The following IFT172 variants were observed in gnomAD, a reference collection of about 807,000 sequenced individuals.
IFT172 encodes the protein intraflagellar transport 172.
IFT172 carries 164 observed loss-of-function variants against 248.9 expected under a neutral mutation model. The observed-to-expected ratio is 0.66, with a 90% CI of 0.58 to 0.75. The LOEUF (loss-of-function observed/expected upper bound fraction) is 0.75, where lower values mean the gene tolerates loss of function less well. IFT172 is among the 30% of genes least tolerant of loss of function. IFT172 has a pLI of 0.00. For missense variants in IFT172, 1,950 were observed against 2,192.4 expected (o/e 0.89, Z 2.21); for synonymous variants, 729 against 791.6 (o/e 0.92, Z 1.33).
rs1668085695 is a variant in IFT172, at chr2:27,477,932, G to T, written c.1167+63C>A. 3.0e-5 allele frequency: 48 copies of T among 1,592,518 alleles called. 1 individual carries two copies. The South Asian group carries it at 5.2e-4, about 17-fold the overall frequency. ...GAGAGCTTACCCCTAGGGATTTTGGGTCCCCACAAATATTAAGCCAAGATG... is the reference window on the plus strand; with the variant it reads ...GAGAGCTTACCCCTAGGGATTTTGGTTCCCCACAAATATTAAGCCAAGATG... On this transcript the variant is annotated intron_variant, in intron 11 of 47. Coordinates refer to ENST00000260570, the MANE Select transcript of IFT172 (RefSeq NM_015662.3).
At chr2:27,487,215 G>A (rs1159637123) in intron 1 of IFT172, among the ~76,000 whole-genome samples, 1 of 152,158 alleles carries the variant, frequency 6.6e-6, no homozygotes, top group Non-Finnish European at 1.5e-5. Flanking sequence ...GAAGTGCTGG[G>A]ATTACAGGCG....
At chr2:27,462,247 G>A (rs989632206) in intron 20 of IFT172, among the ~76,000 whole-genome samples, 1 of 152,078 alleles carries the variant, frequency 6.6e-6, no homozygotes, top group Non-Finnish European at 1.5e-5. Flanking sequence ...TGGCCAGGCT[G>A]GTCTTGAACT....
chr2:27,451,556 GATGGAGACCATCCTGGCTAACACGGTGAA>G (rs1665677424), intron 35 of IFT172, among the ~76,000 whole-genome samples: 2 of 152,162 alleles, frequency 1.3e-5, no homozygotes, highest in Admixed American at 6.6e-5. Context: ...GAGGTCAGGA[GATGGAGACCATCCTGGCTAACACGGTGAA>G]ACCCCGTCTC....
chr2:27,476,708 CCT>C lies in IFT172; in HGVS notation c.1342_1343del (p.Arg448ValfsTer8), dbSNP rs1558404443. On this transcript the variant is annotated frameshift_variant, in exon 14 of 48. Coordinates refer to ENST00000260570, the MANE Select transcript of IFT172 (RefSeq NM_015662.3). LOFTEE classifies it high-confidence loss of function. ...PHLISVRINE[R>X]CQRGTEDNKK... is the part of the protein sequence containing the mutation. ...TATTATCTTCTGTTCCTCGCTGACA[CCT>C]CTCATTAATACGAACACTGAAACAT... 1 of 1,612,480 alleles carries C rather than the reference CCT, an allele frequency of 6.2e-7. No homozygotes were observed. Among genetic ancestry groups the C allele is most frequent in the African/African-American group, 1.3e-5 (1 of 74,972 alleles).
intron 24 of IFT172, 62 bp downstream of exon 24, chr2:27,459,647 T>C: frequency 1.9e-6 from 3 of 1,606,760 alleles, no homozygotes; most frequent in Non-Finnish European, 2.5e-6. Context: ...TTGGTGTCCT[T>C]ACTTGCTCCA....
chr2:27,462,031 G>A (rs1666719701), intron 20 of IFT172, among the ~76,000 whole-genome samples, 195 bp from the exon 21 acceptor site: 1 of 152,154 alleles, frequency 6.6e-6, no homozygotes, highest in Non-Finnish European at 1.5e-5. Context: ...CCCTTTCCAA[G>A]GCAACTGTTC....
In IFT172 at chr2:27,459,767, C is replaced by A; in HGVS notation, c.2584G>T (p.Asp862Tyr). Residue 862 changes from aspartate to tyrosine, a missense_variant, in exon 24 of 48, where the codon GAC becomes TAC. Physicochemically the swap from Asp to Tyr is radical, Grantham distance 160. Around this residue, in one of 3 missense-constraint regions of IFT172, gnomAD observed 1,166 missense variants for 1,254.1 expected, o/e 0.93. Transcript: ENST00000260570. ...AGCTGCTTCTGCTGCACCAGGTGGT[C>A]CCCCCATGCCTCCTCTAGTTTCACC... Reference protein sequence around the residue: ...EVVKLEEAWGDHLVQQKQLDA... With the variant: ...EVVKLEEAWGYHLVQQKQLDA... The A allele has an allele frequency of 6.2e-7, 1 of 1,612,780 alleles. No homozygotes were observed. The highest frequency in any genetic ancestry group is 1.1e-5 in the South Asian group (1 of 91,082).
chr2:27,447,379 CAGAAG>C, intron 42 of IFT172, 131 bp downstream of exon 42: 1 of 1,322,972 alleles, frequency 7.6e-7, no homozygotes. Flanking sequence ...TTTGTTTAGA[CAGAAG>C]AGAAGCTGAA....
intron 9 of IFT172, among the ~76,000 whole-genome samples, 171 bp from the exon 10 acceptor site, chr2:27,479,775 T>C (rs1157805476): frequency 6.6e-6 from 1 of 152,200 alleles, no homozygotes; most frequent in African/African-American, 2.4e-5. Context: ...ATCATTGGAC[T>C]CAAGGGCACA....
At chr2:27,461,944 C>G in intron 20 of IFT172, 108 bp from the exon 21 acceptor site, 2 of 1,113,292 alleles carry the variant, frequency 1.8e-6, no homozygotes, top group Non-Finnish European at 2.7e-6. Flanking sequence ...GGACCAAAAG[C>G]CTTTTAACTA....
intron 16 of IFT172, 91 bp downstream of exon 16, chr2:27,470,837 A>C (rs1667510061): frequency 7.9e-7 from 1 of 1,270,394 alleles, no homozygotes; most frequent in Non-Finnish European, 1.1e-6. Flanking sequence ...AGGGTGGTGG[A>C]CACAGAAAAC....
rs148624326 is a variant in IFT172 at position 27,454,631 on chromosome 2, C to T, written c.3401G>A (p.Arg1134Gln). ...CSFEFAFELS[R>Q]LALKHKTPEV... is the part of the protein sequence containing the mutation. ...GGGGGTTTTGTGCTTGAGGGCCAGCCGAGAGAGTTCAAACGCAAATTCAAA... is the reference window on the plus strand; with the variant it reads ...GGGGGTTTTGTGCTTGAGGGCCAGCTGAGAGAGTTCAAACGCAAATTCAAA... The change falls in exon 31 of 48, where the codon CGG (arginine) becomes CAG (glutamine). Residue 1134 changes from arginine to glutamine, a missense_variant. Physicochemically the swap from Arg to Gln is conservative, Grantham distance 43. This residue lies in a region of IFT172 where 164 missense variants were observed against 239.3 expected (regional missense o/e 0.69). Transcript: ENST00000260570. The surrounding 1 kb of genome is among the most constrained non-coding windows in gnomAD (Gnocchi z 4.2). 5 of 1,613,930 alleles carry T rather than the reference C, an allele frequency of 3.1e-6. No homozygotes were observed. Among genetic ancestry groups the T allele is most frequent in the Non-Finnish European group, 3.4e-6 (4 of 1,179,996 alleles).
In IFT172 at chr2:27,461,487, T is replaced by G. The variant is rs755149584; in HGVS notation, c.2224A>C (p.Ser742Arg). The G allele has an allele frequency of 5.0e-6, 8 of 1,614,090 alleles. No homozygotes were observed. The highest frequency in any genetic ancestry group is 6.8e-6 in the Non-Finnish European group (8 of 1,179,978). Residue 742 changes from serine (S) to arginine (R), a missense_variant, in exon 22 of 48, where the codon AGT (serine) becomes CGT (arginine). Transcript: ENST00000260570. ...GTGTCCATCAGCCACTGGTAGTAAC[T>G]ACGACGTAGCTTCTCCAGGGCTGGG... ...GHPALEKLRRSYYQWLMDTQQ... is the reference protein window; with the variant it reads ...GHPALEKLRRRYYQWLMDTQQ...
chr2:27,445,275 G>C lies in IFT172; in HGVS notation c.5068+21C>G. The C allele has an allele frequency of 6.2e-7, 1 of 1,600,950 alleles. No homozygotes were observed. The highest frequency in any genetic ancestry group is 8.5e-7 in the Non-Finnish European group (1 of 1,171,946). On this transcript the variant is annotated intron_variant, in intron 46 of 47. Coordinates refer to ENST00000260570, the MANE Select transcript of IFT172 (RefSeq NM_015662.3). The surrounding 1 kb of genome is among the most constrained non-coding windows in gnomAD (Gnocchi z 4.4). Reference sequence around the variant, plus strand: ...TGCTTTCTACCCACCACAGGATCTGGGGTGCTGTAGGCTTCTATACCTGTA... The same window carrying C: ...TGCTTTCTACCCACCACAGGATCTGCGGTGCTGTAGGCTTCTATACCTGTA...
chr2:27,472,264 C>T lies in IFT172; in HGVS notation c.1510G>A (p.Asp504Asn). The T allele has an allele frequency of 5.0e-6, 8 of 1,613,924 alleles. No individual in the cohort carries two copies. The highest frequency in any genetic ancestry group is 6.8e-6 in the Non-Finnish European group (8 of 1,179,812). ...NETGHKLLFR[D>N]RKLRLHLYDI... ...GCTCTTCTCACACGAAGTTTCCGGT[C>T]CCTGAAGAGGAGCTTGTGTCCAGTC... The change falls in exon 15 of 48, where the codon GAC becomes AAC. Residue 504 changes from aspartate to asparagine, a missense_variant. Coordinates refer to ENST00000260570, the MANE Select transcript of IFT172 (RefSeq NM_015662.3).
Position 27,454,006 on chromosome 2 carries a change from T to C in IFT172, c.3687A>G (p.Pro1229=). ...CCTTATAATAATTGAGGGCCAGGCCTGGTCTCTGGGCCCGGAGCAGCAGCC... is the reference window on the plus strand; with the variant it reads ...CCTTATAATAATTGAGGGCCAGGCCCGGTCTCTGGGCCCGGAGCAGCAGCC... ...AEGLLLRAQR[P]GLALNYYKEA... Residue 1229 remains proline (P), a synonymous_variant, in exon 33 of 48, where the codon CCA becomes CCG. Coordinates refer to ENST00000260570, the MANE Select transcript of IFT172 (RefSeq NM_015662.3). This position sits in a 1 kb window ranked among gnomAD's most constrained non-coding sequence, Gnocchi z 4.2. The C allele has an allele frequency of 2.5e-6, 4 of 1,613,564 alleles. No homozygotes were observed. The highest frequency in any genetic ancestry group is 2.5e-6 in the Non-Finnish European group (3 of 1,179,908).
chr2:27,468,376 G>A (rs933599345), intron 16 of IFT172, among the ~76,000 whole-genome samples: 2 of 151,546 alleles, frequency 1.3e-5, no homozygotes, highest in Admixed American at 1.3e-4. Flanking sequence ...AGGATTACAG[G>A]AGCATGCCAC....
At chr2:27,456,031 G>A (rs1180382398) in intron 30 of IFT172, among the ~76,000 whole-genome samples, 1 of 152,052 alleles carries the variant, frequency 6.6e-6, no homozygotes, top group Non-Finnish European at 1.5e-5. Context: ...GGCCAACATG[G>A]TGAAACCCCA....
At chr2:27,467,517 T>A (rs1191828168) in intron 16 of IFT172, among the ~76,000 whole-genome samples, 1 of 122,284 alleles carries the variant, frequency 8.2e-6, no homozygotes, top group African/African-American at 3.2e-5. Context: ...GAGGCTGAGA[T>A]AGGAGTATAG....
Sources: gnomAD v4.1 joint callset for allele counts (sites outside exome capture counted in the v4.1 genomes callset) on GRCh38, gnomAD v4.1.1 for gene constraint, gnomAD v4.1.1 regional missense constraint, Gnocchi (gnomAD v3.1) non-coding constraint, MANE v1.5 for transcripts, NCBI Gene and HGNC (gene_info 2026-07-23, HGNC 2026-07-21) for gene names.